The following CDKN2B-AS1 variants were observed in gnomAD, a reference collection of about 807,000 sequenced individuals.
CDKN2B-AS1 encodes CDKN2B antisense RNA 1 (non-protein coding).
At chr9:22,092,612 G>A (rs892683828) in intron 4 of CDKN2B-AS1, 1 of 152,292 alleles carries the variant, frequency 6.6e-6, no homozygotes, top group African/African-American at 2.4e-5. Context: ...TATTTGCATA[G>A]AGGTGTTTAT....
chr9:22,047,997 G>A (rs1823181948), intron 2 of CDKN2B-AS1, among the ~76,000 whole-genome samples: 1 of 150,480 alleles, frequency 6.6e-6, no homozygotes, highest in Non-Finnish European at 1.5e-5. Flanking sequence ...TTTTCAACAT[G>A]TTGCCTAGGC....
intron 1 of CDKN2B-AS1, among the ~76,000 whole-genome samples, chr9:22,024,368 T>A (rs1313674074): frequency 6.6e-6 from 1 of 152,202 alleles, no homozygotes; most frequent in Non-Finnish European, 1.5e-5. Context: ...CAGGGGTGCC[T>A]GCCTCCCTGC....
At chr9:22,023,144 A>G (rs921301829) in intron 1 of CDKN2B-AS1, among the ~76,000 whole-genome samples, 1 of 152,100 alleles carries the variant, frequency 6.6e-6, no homozygotes, top group Non-Finnish European at 1.5e-5. Context: ...GGTTCTCTGC[A>G]TTTCCTGAAC....
Position 22,005,019 on chromosome 9 carries a change from C to A in CDKN2B-AS1, n.29+9858C>A. On this transcript the variant is annotated intron_variant and non_coding_transcript_variant, in intron 1 of 4. Coordinates refer to ENST00000650946, the Ensembl canonical transcript of CDKN2B-AS1. This position sits in a 1 kb window ranked among gnomAD's most constrained non-coding sequence, Gnocchi z 4.9. ...ACTAGTTATGTTACTTAAAATCTCC[C>A]CATTAAATAAGACAGTTGCTGAACA... The A allele has an allele frequency of 4.3e-6, 1 of 233,188 alleles. No homozygotes were observed. The highest frequency in any genetic ancestry group is 8.5e-6 in the Non-Finnish European group (1 of 118,056). The allele number at this position is 233,188 out of a possible 1,614,324, so 14.4% of individuals were successfully genotyped here.
intron 4 of CDKN2B-AS1, among the ~76,000 whole-genome samples, chr9:22,074,588 TCACAGTA>T (rs1381501971): frequency 6.6e-6 from 1 of 152,196 alleles, no homozygotes; most frequent in African/African-American, 2.4e-5. Context: ...AAGCTGACAA[TCACAGTA>T]CACTGCTCAT....
chr9:22,014,264 G>A (rs765938533), intron 1 of CDKN2B-AS1, among the ~76,000 whole-genome samples: 11 of 152,088 alleles, frequency 7.2e-5, no homozygotes, highest in African/African-American at 1.7e-4. Flanking sequence ...CCAGGCTCAA[G>A]TGATCCTCCC....
intron 4 of CDKN2B-AS1, among the ~76,000 whole-genome samples, chr9:22,091,342 A>G (rs1353436329): frequency 6.6e-6 from 1 of 152,140 alleles, no homozygotes; most frequent in Non-Finnish European, 1.5e-5. Flanking sequence ...ACTTTAAAGT[A>G]GTTTTTTCCA....
At chr9:22,086,169 A>C (rs1293587469) in intron 4 of CDKN2B-AS1, among the ~76,000 whole-genome samples, 2 of 152,186 alleles carry the variant, frequency 1.3e-5, no homozygotes, top group Non-Finnish European at 2.9e-5. Context: ...ATTGAGATGA[A>C]AATCAGAATA....
intron 1 of CDKN2B-AS1, chr9:22,008,919 C>T (rs747263748): frequency 2.5e-6 from 4 of 1,612,922 alleles, no homozygotes; most frequent in Non-Finnish European, 2.5e-6. Context: ...ATCGCTGCCG[C>T]CCCCACTGGG....
intron 4 of CDKN2B-AS1, among the ~76,000 whole-genome samples, chr9:22,124,066 T>G (rs1457320126): frequency 6.6e-6 from 1 of 151,542 alleles, no homozygotes; most frequent in Admixed American, 6.6e-5. Context: ...AATATTTGCC[T>G]TGTATAATCT....
chr9:22,006,147 T>A lies in CDKN2B-AS1; in HGVS notation n.29+10986T>A. 6.2e-7 allele frequency: 1 copy of A among 1,611,752 alleles called. No individual in the cohort carries two copies. Reference sequence around the variant, plus strand: ...GTCCAGGAAGCCCTCCCGGGCAGCATCATGCACCGGTCGGGTGAGAGTGGC... The same window carrying A: ...GTCCAGGAAGCCCTCCCGGGCAGCAACATGCACCGGTCGGGTGAGAGTGGC... On this transcript the variant is annotated intron_variant and non_coding_transcript_variant, in intron 1 of 4. Transcript: ENST00000650946. The surrounding 1 kb of genome is among the most constrained non-coding windows in gnomAD (Gnocchi z 6.4).
chr9:22,005,969 C>A lies in CDKN2B-AS1; in HGVS notation n.29+10808C>A, dbSNP rs747033447. ...GGTAAGAAAATAAAGTCGTTGTGGG[C>A]GGCTGGGGAACCTGGCGTCAGTCCC... is the stretch of plus-strand genomic sequence containing the variant. On this transcript the variant is annotated intron_variant and non_coding_transcript_variant, in intron 1 of 4. Coordinates refer to ENST00000650946, the Ensembl canonical transcript of CDKN2B-AS1. The surrounding 1 kb of genome is among the most constrained non-coding windows in gnomAD (Gnocchi z 4.9). 6.3e-7 allele frequency: 1 copy of A among 1,598,988 alleles called. No homozygotes were observed. The highest frequency in any genetic ancestry group is 8.5e-7 in the Non-Finnish European group (1 of 1,179,338).
intron 1 of CDKN2B-AS1, among the ~76,000 whole-genome samples, chr9:22,043,439 G>A (rs888406978): frequency 4.0e-5 from 6 of 151,798 alleles, no homozygotes; most frequent in African/African-American, 1.4e-4. Flanking sequence ...CACATGCGCT[G>A]TTTTGATTTT....
chr9:22,045,148 A>T (rs1350199234), intron 1 of CDKN2B-AS1, among the ~76,000 whole-genome samples: 1 of 151,770 alleles, frequency 6.6e-6, no homozygotes, highest in East Asian at 1.9e-4. Flanking sequence ...GATTAAGAGG[A>T]TAAAGGAAAA....
In CDKN2B-AS1 at chr9:22,001,866, T is replaced by A. The variant is rs958104579; in HGVS notation, n.29+6705T>A. Among the ~76,000 whole-genome samples, 14 of 152,142 alleles carry A rather than the reference T, an allele frequency of 9.2e-5. 1 individual carries two copies. Among genetic ancestry groups the A allele is most frequent in the Non-Finnish European group, 1.5e-5 (1 of 67,964 alleles). On this transcript the variant is annotated intron_variant and non_coding_transcript_variant, in intron 1 of 4. Transcript: ENST00000650946. The surrounding 1 kb of genome is among the most constrained non-coding windows in gnomAD (Gnocchi z 4.2). ...TATTGAATTAGTTAAGGAACCAATG[T>A]GGGAATCTAGGTCTTCTATCTTCCA...
chr9:22,048,355 A>G (rs1316211764), intron 2 of CDKN2B-AS1, among the ~76,000 whole-genome samples: 1 of 151,798 alleles, frequency 6.6e-6, no homozygotes, highest in Non-Finnish European at 1.5e-5. Context: ...TGCTGGCCTA[A>G]CTCTCCCAAT....
intron 4 of CDKN2B-AS1, among the ~76,000 whole-genome samples, chr9:22,063,469 TA>T (rs940844646): frequency 6.6e-6 from 1 of 152,116 alleles, no homozygotes; most frequent in Non-Finnish European, 1.5e-5. Flanking sequence ...ATTGATCAAG[TA>T]AAAAAATTGA....
At chr9:22,046,453 G>A (rs943836297) in intron 1 of CDKN2B-AS1, 2 of 152,120 alleles carry the variant, frequency 1.3e-5, no homozygotes, top group African/African-American at 4.8e-5. Context: ...AGCTAAGGTT[G>A]TCATAGAGTC....
At chr9:22,081,226 C>T (rs1228500308) in intron 4 of CDKN2B-AS1, among the ~76,000 whole-genome samples, 1 of 150,048 alleles carries the variant, frequency 6.7e-6, no homozygotes, top group Non-Finnish European at 1.5e-5. Flanking sequence ...TGGGGTTGTG[C>T]CCCAAGTTAC....
Sources: allele counts gnomAD v4.1 joint callset (sites outside exome capture counted in the v4.1 genomes callset), GRCh38; gene constraint gnomAD v4.1.1; non-coding constraint Gnocchi (gnomAD v3.1); transcripts MANE v1.5; gene names NCBI Gene and HGNC (gene_info 2026-07-23, HGNC 2026-07-21).